The following DLG2 variants were observed in gnomAD, a reference collection of about 807,000 sequenced individuals.
DLG2 encodes discs large MAGUK scaffold protein 2.
DLG2 carries 45 observed loss-of-function variants against 132.5 expected under a neutral mutation model. That is an observed-to-expected ratio of 0.34 (90% confidence interval 0.27 to 0.44). The LOEUF is 0.44. Ranked by LOEUF, DLG2 falls within the 20% of genes least tolerant of loss-of-function variation. DLG2 has a pLI of 1.00. For missense variants in DLG2, 1,045 were observed against 1,196.9 expected, an observed-to-expected ratio of 0.87 and a Z score of 1.87; for synonymous variants, 424 against 419.6, an observed-to-expected ratio of 1.01 and a Z score of -0.13.
intron 7 of DLG2, among the ~76,000 whole-genome samples, chr11:84,405,711 T>C (rs2098846355): frequency 6.6e-6 from 1 of 151,886 alleles, no homozygotes; most frequent in South Asian, 2.1e-4. Context: ...GACTAGAAAG[T>C]ACTAAGGGGG....
chr11:84,208,796 T>C (rs7118068), intron 8 of DLG2, among the ~76,000 whole-genome samples: 115,332 of 152,106 alleles, frequency 0.76, 45,961 homozygotes, highest in Middle Eastern at 0.91. Context: ...GGGATTAAGG[T>C]TAAAAGTTTT....
intron 18 of DLG2, among the ~76,000 whole-genome samples, chr11:83,655,910 C>T (rs73507200): frequency 0.069 from 10,473 of 152,258 alleles, 1,248 homozygotes; most frequent in African/African-American, 0.23. Flanking sequence ...TCACAGTGCT[C>T]TGGGGAAGTT....
At chr11:83,504,748 C>T (rs1016898152) in intron 21 of DLG2, among the ~76,000 whole-genome samples, 7 of 152,130 alleles carry the variant, frequency 4.6e-5, no homozygotes, top group African/African-American at 1.4e-4. Context: ...CACTTCCACC[C>T]GTTGATTCCT....
At chr11:85,361,232 T>C (rs2084126672) in intron 3 of DLG2, among the ~76,000 whole-genome samples, 1 of 152,108 alleles carries the variant, frequency 6.6e-6, no homozygotes, top group Non-Finnish European at 1.5e-5. Flanking sequence ...CTTGGCTCAC[T>C]GCAAACTCCG....
chr11:83,507,067 G>A (rs1413564429), intron 21 of DLG2, among the ~76,000 whole-genome samples: 1 of 152,052 alleles, frequency 6.6e-6, no homozygotes, highest in Non-Finnish European at 1.5e-5. Context: ...CAACCAAGCA[G>A]CTTCATTATG....
At position 83,769,307 on chromosome 11, in the gene DLG2, C is replaced by A. The variant is rs141736216; in HGVS notation, c.1825+17383G>T. ...TGCTTAGGCTTAAAAATATTACTGG[C>A]ACTCAAATTTTTATTGATCAATTGA... On this transcript the variant is annotated intron_variant, in intron 18 of 27. Coordinates refer to ENST00000376104, the MANE Select transcript of DLG2 (RefSeq NM_001142699.3). Among the ~76,000 whole-genome samples, 254 of 152,282 alleles carry A rather than the reference C, an allele frequency of 1.7e-3. 1 individual carries two copies. Among genetic ancestry groups the A allele is most frequent in the African/African-American group, 6.1e-3 (252 of 41,564 alleles).
chr11:83,837,723 CA>C (rs386374350), intron 16 of DLG2, among the ~76,000 whole-genome samples: 9 of 45,948 alleles, frequency 2.0e-4, no homozygotes, highest in African/African-American at 5.8e-4. Flanking sequence ...ACATAGCAAG[CA>C]AAAAAAAAAA....
intron 4 of DLG2, among the ~76,000 whole-genome samples, chr11:85,170,795 GGAGA>G (rs1362606281): frequency 6.6e-6 from 1 of 152,110 alleles, no homozygotes; most frequent in Non-Finnish European, 1.5e-5. Context: ...GTGACTGACA[GGAGA>G]GAGAGACTTG....
At chr11:84,079,783 A>C (rs1479042212) in intron 10 of DLG2, among the ~76,000 whole-genome samples, 2 of 152,094 alleles carry the variant, frequency 1.3e-5, no homozygotes, top group Non-Finnish European at 1.5e-5. Flanking sequence ...CTGATTTCTC[A>C]TGGCCACCTC....
chr11:84,421,120 A>G (rs1262259743), intron 7 of DLG2, among the ~76,000 whole-genome samples: 1 of 152,108 alleles, frequency 6.6e-6, no homozygotes, highest in Non-Finnish European at 1.5e-5. Context: ...TTCCCCTTCA[A>G]CCTTGTAAGG....
intron 6 of DLG2, among the ~76,000 whole-genome samples, chr11:84,862,095 G>A (rs992967228): frequency 8.6e-5 from 13 of 151,582 alleles, no homozygotes; most frequent in Non-Finnish European, 1.5e-4. Context: ...TAGATGACGA[G>A]TTAGTGCGTG....
At chr11:84,818,931 C>CCATTAT (rs10630974) in intron 6 of DLG2, among the ~76,000 whole-genome samples, 82,010 of 150,746 alleles carry the variant, frequency 0.54, 23,758 homozygotes, top group Non-Finnish European at 0.67. Context: ...TCCAGGCAGT[C>CCATTAT]CATTATCATC....
intron 19 of DLG2, among the ~76,000 whole-genome samples, chr11:83,619,755 A>G (rs750111622): frequency 3.3e-5 from 5 of 152,168 alleles, no homozygotes; most frequent in East Asian, 1.9e-4. Flanking sequence ...ATGAACAGCC[A>G]GCAATGGTGT....
intron 6 of DLG2, among the ~76,000 whole-genome samples, chr11:84,572,890 G>A (rs1359705853): frequency 6.6e-6 from 1 of 152,034 alleles, no homozygotes; most frequent in Non-Finnish European, 1.5e-5. Context: ...ATGGGATTTG[G>A]GAACCAAGAG....
At chr11:83,938,139 T>G (rs980218911) in intron 14 of DLG2, among the ~76,000 whole-genome samples, 1 of 152,214 alleles carries the variant, frequency 6.6e-6, no homozygotes, top group Non-Finnish European at 1.5e-5. Flanking sequence ...GTTTAACCAT[T>G]AAAGTTAATA....
chr11:85,272,347 G>A (rs1229041867), intron 4 of DLG2, among the ~76,000 whole-genome samples: 1 of 152,130 alleles, frequency 6.6e-6, no homozygotes, highest in African/African-American at 2.4e-5. Flanking sequence ...TCAGCAGTAT[G>A]AAAATAGACT....
At chr11:83,828,858 G>A (rs917274197) in intron 17 of DLG2, among the ~76,000 whole-genome samples, 1 of 151,380 alleles carries the variant, frequency 6.6e-6, no homozygotes, top group Non-Finnish European at 1.5e-5. Flanking sequence ...TTCAGTGTGT[G>A]TGTATATATA....
chr11:83,668,161 C>T (rs1021481143), intron 18 of DLG2, among the ~76,000 whole-genome samples: 18 of 150,954 alleles, frequency 1.2e-4, no homozygotes, highest in African/African-American at 4.1e-4. Context: ...GAAGCAATGG[C>T]TATGTCTGGC....
intron 18 of DLG2, among the ~76,000 whole-genome samples, chr11:83,635,812 C>G (rs1402100213): frequency 6.6e-6 from 1 of 152,146 alleles, no homozygotes; most frequent in Non-Finnish European, 1.5e-5. Flanking sequence ...GCTTGTCCAG[C>G]TTTTTGCTAT....
Sources: gnomAD v4.1 joint callset for allele counts (sites outside exome capture counted in the v4.1 genomes callset) on GRCh38, gnomAD v4.1.1 for gene constraint, MANE v1.5 for transcripts, NCBI Gene and HGNC (gene_info 2026-07-23, HGNC 2026-07-21) for gene names.